Variants in XYLT1 observed in about 807,000 individuals in gnomAD.
XYLT1 encodes xylosyltransferase 1.
XYLT1 carries 36 observed loss-of-function variants against 91.3 expected under a neutral mutation model. The ratio of observed to expected loss-of-function variants is 0.39; its 90% CI spans 0.30 to 0.52. The LOEUF is 0.52. Ranked by LOEUF, XYLT1 falls within the 20% of genes least tolerant of loss-of-function variation. The pLI, the probability that XYLT1 is intolerant of heterozygous loss-of-function variation, is 0.68. For missense variants in XYLT1, 1,242 were observed against 1,284.5 expected (o/e 0.97, Z 0.51); for synonymous variants, 588 against 532.0 (o/e 1.11, Z -1.45).
chr16:17,232,185 C>T (rs4563029), intron 3 of XYLT1, among the ~76,000 whole-genome samples: 73,322 of 140,216 alleles, frequency 0.52, 20,066 homozygotes, highest in African/African-American at 0.67. Context: ...ACAATATATA[C>T]TATATATAAA....
chr16:17,323,746 G>T (rs1010692890), intron 2 of XYLT1, among the ~76,000 whole-genome samples: 8 of 151,634 alleles, frequency 5.3e-5, no homozygotes, highest in African/African-American at 1.2e-4. Flanking sequence ...CTTTCTCTGG[G>T]TTTTTTCTCC....
intron 1 of XYLT1, among the ~76,000 whole-genome samples, chr16:17,389,378 G>A (rs1028288003): frequency 5.3e-5 from 8 of 152,120 alleles, no homozygotes; most frequent in African/African-American, 1.4e-4. Flanking sequence ...CCTGAGTAGC[G>A]AGGACTACAG....
intron 2 of XYLT1, among the ~76,000 whole-genome samples, chr16:17,309,997 G>C (rs570510948): frequency 2.0e-4 from 30 of 152,340 alleles, no homozygotes; most frequent in African/African-American, 6.7e-4. Context: ...TCAATTTGGA[G>C]GCTGGGAGTG....
intron 3 of XYLT1, among the ~76,000 whole-genome samples, chr16:17,216,735 G>T (rs966105496): frequency 6.6e-6 from 1 of 152,188 alleles, no homozygotes; most frequent in Non-Finnish European, 1.5e-5. Flanking sequence ...GACAGAAAGA[G>T]TGTAATCTGC....
At chr16:17,204,110 TCC>T (rs2032595227) in intron 3 of XYLT1, among the ~76,000 whole-genome samples, 2 of 152,116 alleles carry the variant, frequency 1.3e-5, no homozygotes, top group Non-Finnish European at 2.9e-5. Flanking sequence ...TGTTGCCGAG[TCC>T]AAAGCCAGCC....
chr16:17,392,898 T>C (rs2035838481), intron 1 of XYLT1, among the ~76,000 whole-genome samples: 1 of 152,204 alleles, frequency 6.6e-6, no homozygotes, highest in Non-Finnish European at 1.5e-5. Context: ...TTACTGAGCT[T>C]GAGACAAATA....
In XYLT1 at chr16:17,218,668, A is replaced by G. The variant is rs553509951; in HGVS notation, c.914-18014T>C. On this transcript the variant is annotated intron_variant, in intron 3 of 11. Coordinates refer to ENST00000261381, the MANE Select transcript of XYLT1 (RefSeq NM_022166.4). ...ATGTGGAAATTGTTATTTTGCTATT[A>G]CTCCGGCCCCCATCTCCCTCCAAAT... 1.6e-3 allele frequency among the ~76,000 whole-genome samples: 240 copies of G among 152,254 alleles called. 3 individuals carry two copies. Among genetic ancestry groups the G allele is most frequent in the Non-Finnish European group, 3.0e-3 (206 of 68,038 alleles).
At chr16:17,223,759 C>T (rs2033014311) in intron 3 of XYLT1, among the ~76,000 whole-genome samples, 2 of 152,202 alleles carry the variant, frequency 1.3e-5, no homozygotes, top group African/African-American at 4.8e-5. Flanking sequence ...ACACTGGTGG[C>T]TGTGTTCCAA....
At chr16:17,139,541 G>A (rs559342454) in intron 7 of XYLT1, among the ~76,000 whole-genome samples, 108 of 152,270 alleles carry the variant, frequency 7.1e-4, no homozygotes, top group Non-Finnish European at 1.4e-3. Flanking sequence ...AAATGGATGG[G>A]TGGGTAAATG....
intron 1 of XYLT1, among the ~76,000 whole-genome samples, chr16:17,374,641 A>AG (rs1168745748): frequency 8.9e-6 from 1 of 112,906 alleles, no homozygotes; most frequent in Non-Finnish European, 1.8e-5. Flanking sequence ...TATTACAGAC[A>AG]GAAAAAAAAA....
At chr16:17,345,830 A>C (rs1216372514) in intron 2 of XYLT1, among the ~76,000 whole-genome samples, 1 of 152,094 alleles carries the variant, frequency 6.6e-6, no homozygotes, top group Non-Finnish European at 1.5e-5. Flanking sequence ...ATTATTTTTG[A>C]GAGAGAGTCT....
intron 2 of XYLT1, among the ~76,000 whole-genome samples, chr16:17,320,617 C>T (rs1462426329): frequency 6.6e-6 from 1 of 151,154 alleles, no homozygotes. Context: ...GTAGCTAGGA[C>T]TACAGGCCCC....
chr16:17,199,546 G>C lies in XYLT1; in HGVS notation c.1086+936C>G, dbSNP rs148897695. Among the ~76,000 whole-genome samples, 987 of 152,230 alleles carry C rather than the reference G, an allele frequency of 6.5e-3. 12 individuals carry two copies. Among genetic ancestry groups the C allele is most frequent in the African/African-American group, 0.022 (929 of 41,540 alleles). On this transcript the variant is annotated intron_variant, in intron 4 of 11. Coordinates refer to ENST00000261381, the MANE Select transcript of XYLT1 (RefSeq NM_022166.4). Reference sequence around the variant, plus strand: ...CACCCAAATCTAATCTTGAATTGTAGCTCCCATAATTCCCACGTGTTATGG... The same window carrying C: ...CACCCAAATCTAATCTTGAATTGTACCTCCCATAATTCCCACGTGTTATGG...
chr16:17,346,703 G>A (rs940075237), intron 2 of XYLT1, among the ~76,000 whole-genome samples: 8 of 152,130 alleles, frequency 5.3e-5, no homozygotes, highest in African/African-American at 1.9e-4. Context: ...GATTCTAACT[G>A]GGCCAGTGAA....
At chr16:17,184,699 G>T (rs940491071) in intron 5 of XYLT1, among the ~76,000 whole-genome samples, 2 of 152,152 alleles carry the variant, frequency 1.3e-5, no homozygotes, top group East Asian at 1.9e-4. Context: ...ACTGGACAGT[G>T]CTGGTCTAGA....
chr16:17,365,640 A>C (rs529509890), intron 1 of XYLT1, among the ~76,000 whole-genome samples: 1 of 152,228 alleles, frequency 6.6e-6, no homozygotes, highest in South Asian at 2.1e-4. Flanking sequence ...AAAGCTTAAA[A>C]AGCTGGTCTT....
At chr16:17,175,414 G>A (rs558060203) in intron 5 of XYLT1, among the ~76,000 whole-genome samples, 6 of 152,282 alleles carry the variant, frequency 3.9e-5, no homozygotes, top group Non-Finnish European at 7.4e-5. Flanking sequence ...TCATCATGAT[G>A]TACATATTAT....
At chr16:17,341,925 A>G (rs1025726093) in intron 2 of XYLT1, among the ~76,000 whole-genome samples, 2 of 152,162 alleles carry the variant, frequency 1.3e-5, no homozygotes, top group Admixed American at 1.3e-4. Flanking sequence ...CATGTCCCCT[A>G]ACAGATTACA....
chr16:17,470,647 C>T lies in XYLT1; in HGVS notation c.150G>A (p.Ala50=). 9.0e-7 allele frequency: 1 copy of T among 1,117,218 alleles called. No homozygotes were observed. Among genetic ancestry groups the T allele is most frequent in the African/African-American group, 1.7e-5 (1 of 58,760 alleles). 69.2% of individuals were successfully genotyped at this position (1,117,218 alleles called of 1,614,324 possible). ...SGAGERRGGA[A]VGGGEQPPPA... is the part of the protein sequence containing the mutation. ...GGGGCGGCTGCTCCCCGCCGCCGAC[C>T]GCTGCGCCCCCGCGGCGCTCCCCGG... The change falls in exon 1 of 12, where the codon GCG becomes GCA. Residue 50 remains alanine, a synonymous_variant. Transcript: ENST00000261381.
Sources: gnomAD v4.1 joint callset for allele counts (sites outside exome capture counted in the v4.1 genomes callset) on GRCh38, gnomAD v4.1.1 for gene constraint, MANE v1.5 for transcripts, NCBI Gene and HGNC (gene_info 2026-07-23, HGNC 2026-07-21) for gene names.